The following KIF26B variants were observed in gnomAD, a reference collection of about 807,000 sequenced individuals.
KIF26B encodes the protein kinesin family member 26B.
Under a neutral mutation model 151.2 loss-of-function variants are expected in KIF26B, and 63 were observed. The observed-to-expected ratio is 0.42, with a 90% CI of 0.34 to 0.51. The LOEUF is 0.51. Among genes scored for constraint, KIF26B ranks in the 20% least tolerant of loss-of-function variants. The pLI is 0.07. For missense variants in KIF26B, 2,813 were observed against 2,913.6 expected, an observed-to-expected ratio of 0.97 and a Z score of 0.79; for synonymous variants, 1,357 against 1,262.1, an observed-to-expected ratio of 1.08 and a Z score of -1.59.
At chr1:245,561,588 A>C (rs756860145) in intron 5 of KIF26B, among the ~76,000 whole-genome samples, 1 of 152,226 alleles carries the variant, frequency 6.6e-6, no homozygotes, top group Non-Finnish European at 1.5e-5. Context: ...TAATACATTC[A>C]CATACATCAA....
At chr1:245,268,359 C>A (rs374994461) in intron 2 of KIF26B, among the ~76,000 whole-genome samples, 2 of 151,582 alleles carry the variant, frequency 1.3e-5, no homozygotes, top group East Asian at 1.9e-4. Context: ...GTAGTCCCAG[C>A]TACTCAGGAG....
At position 245,698,037 on chromosome 1, in the gene KIF26B, G is replaced by A; in HGVS notation, c.5825-69G>A. On this transcript the variant is annotated intron_variant, in intron 12 of 14. Transcript: ENST00000407071. This position sits in a 1 kb window ranked among gnomAD's most constrained non-coding sequence, Gnocchi z 4.0. ...AGCCTGGGCAACAGAGCAAGACCCT[G>A]TCTCAAAAAAACAACAAAAAAATTG... 1.4e-6 allele frequency: 2 copies of A among 1,437,486 alleles called. No homozygotes were observed. Among genetic ancestry groups the A allele is most frequent in the South Asian group, 2.6e-5 (2 of 76,438 alleles). 89.0% of individuals were successfully genotyped at this position (1,437,486 alleles called of 1,614,324 possible).
chr1:245,159,058 C>T (rs1360399166), intron 2 of KIF26B, among the ~76,000 whole-genome samples: 1 of 152,080 alleles, frequency 6.6e-6, no homozygotes, highest in African/African-American at 2.4e-5. Context: ...CCACTGTAGC[C>T]CTCAGGCACA....
Position 245,702,618 on chromosome 1 carries a change from C to A in KIF26B, c.*12C>A. 2 of 1,611,768 alleles carry A rather than the reference C, an allele frequency of 1.2e-6. No individual in the cohort carries two copies. Among genetic ancestry groups the A allele is most frequent in the Non-Finnish European group, 1.7e-6 (2 of 1,178,508 alleles). ...CCAGGCGCCGGTAGATGAGCCAGAC[C>A]CTTGTCCTAGTGGTCCCCCGCTCCC... On this transcript the variant is annotated 3_prime_UTR_variant, in exon 15 of 15. Coordinates refer to ENST00000407071, the MANE Select transcript of KIF26B (RefSeq NM_018012.4). The surrounding 1 kb of genome is among the most constrained non-coding windows in gnomAD (Gnocchi z 4.1).
At chr1:245,547,039 CT>C (rs1661758336) in intron 5 of KIF26B, among the ~76,000 whole-genome samples, 1 of 152,260 alleles carries the variant, frequency 6.6e-6, no homozygotes, top group South Asian at 2.1e-4. Context: ...TCGCCAGCCT[CT>C]GGACAGCACA....
intron 2 of KIF26B, among the ~76,000 whole-genome samples, chr1:245,336,147 C>A (rs371016502): frequency 6.9e-6 from 1 of 144,462 alleles, no homozygotes; most frequent in Non-Finnish European, 1.5e-5. Flanking sequence ...GGGAGAGTCC[C>A]ATGCAGGGAA....
chr1:245,682,251 AAAAG>A (rs1197878110), intron 10 of KIF26B, among the ~76,000 whole-genome samples: 2 of 152,268 alleles, frequency 1.3e-5, no homozygotes, highest in African/African-American at 4.8e-5. Flanking sequence ...TCTTAGGAAA[AAAAG>A]AAAGAAAAAA....
chr1:245,458,647 T>C (rs1659588643), intron 4 of KIF26B, among the ~76,000 whole-genome samples: 1 of 152,206 alleles, frequency 6.6e-6, no homozygotes, highest in African/African-American at 2.4e-5. Flanking sequence ...TAGTAATGGA[T>C]GTAATCTTGT....
intron 10 of KIF26B, among the ~76,000 whole-genome samples, chr1:245,668,287 C>T (rs2044239974): frequency 6.6e-6 from 1 of 152,200 alleles, no homozygotes; most frequent in Non-Finnish European, 1.5e-5. Context: ...AGCCTGAACA[C>T]AAACTACATT....
rs372270444 is a variant in KIF26B, at chr1:245,485,284, A to AG, written c.1167-55482dup. Among the ~76,000 whole-genome samples, 1,000 of 152,216 alleles carry AG rather than the reference A, an allele frequency of 6.6e-3. 5 individuals are homozygous for AG. The highest frequency in any genetic ancestry group is 0.012 in the Non-Finnish European group (793 of 68,016). ...ATATGAAAAAGTTGTGGAACTTGAT[A>AG]GTGGTGATGGTTGCAAGACATTGTG... On this transcript the variant is annotated intron_variant, in intron 4 of 14. Coordinates refer to ENST00000407071, the MANE Select transcript of KIF26B (RefSeq NM_018012.4).
intron 12 of KIF26B, among the ~76,000 whole-genome samples, chr1:245,691,922 A>AAGTT (rs1462686667): frequency 6.6e-6 from 1 of 152,162 alleles, no homozygotes; most frequent in Admixed American, 6.5e-5. Flanking sequence ...GCAGTGAATT[A>AAGTT]AGTTAGAAAG....
intron 2 of KIF26B, among the ~76,000 whole-genome samples, chr1:245,174,774 T>C (rs1668775245): frequency 6.6e-6 from 1 of 152,234 alleles, no homozygotes; most frequent in Admixed American, 6.5e-5. Context: ...AGCTGACGTC[T>C]TCTGCCTATT....
chr1:245,459,511 C>T (rs1017717489), intron 4 of KIF26B, among the ~76,000 whole-genome samples: 3 of 152,164 alleles, frequency 2.0e-5, no homozygotes, highest in African/African-American at 7.2e-5. Context: ...AAGAAACAGT[C>T]AACACAGTCA....
rs10650644 is a variant in KIF26B at position 245,520,114 on chromosome 1, TGAGAGAGAGA to T, written c.1167-20629_1167-20620del. Among the ~76,000 whole-genome samples, 586 of 132,520 alleles carry T rather than the reference TGAGAGAGAGA, an allele frequency of 4.4e-3. 1 individual carries two copies. Among genetic ancestry groups the T allele is most frequent in the Middle Eastern group, 0.012 (3 of 246 alleles). The allele number at this position is 132,520 out of a possible 152,430, so 86.9% of individuals were successfully genotyped here. On this transcript the variant is annotated intron_variant, in intron 4 of 14. Coordinates refer to ENST00000407071, the MANE Select transcript of KIF26B (RefSeq NM_018012.4). Reference sequence around the variant, plus strand: ...AACTAAAATTAAATACTCAACTAACTGAGAGAGAGAGAGAGAGAGAGAGAGAGAGAGAGCC... The same window carrying T: ...AACTAAAATTAAATACTCAACTAACTGAGAGAGAGAGAGAGAGAGAGAGCC...
intron 9 of KIF26B, among the ~76,000 whole-genome samples, chr1:245,621,270 T>C (rs1188767593): frequency 6.6e-6 from 1 of 152,230 alleles, no homozygotes; most frequent in Non-Finnish European, 1.5e-5. Flanking sequence ...GATTTTCATC[T>C]TAGATTTAGC....
At chr1:245,619,839 G>T (rs1023702445) in intron 9 of KIF26B, among the ~76,000 whole-genome samples, 13 of 150,976 alleles carry the variant, frequency 8.6e-5, no homozygotes, top group Admixed American at 7.3e-4. Context: ...CTTGAACCTG[G>T]GAGGCGGAGC....
At chr1:245,469,198 G>T (rs1413367354) in intron 4 of KIF26B, among the ~76,000 whole-genome samples, 1 of 152,138 alleles carries the variant, frequency 6.6e-6, no homozygotes, top group Admixed American at 6.5e-5. Context: ...TCTTCCTACT[G>T]CACTCCTGCA....
chr1:245,530,196 G>A (rs943913594), intron 4 of KIF26B, among the ~76,000 whole-genome samples: 1 of 152,186 alleles, frequency 6.6e-6, no homozygotes, highest in Non-Finnish European at 1.5e-5. Flanking sequence ...TGCTGGTGAG[G>A]ATGTGGAGAA....
intron 2 of KIF26B, chr1:245,353,849 A>G (rs112566218): frequency 0.034 from 5,151 of 152,758 alleles, 130 homozygotes; most frequent in Middle Eastern, 0.091. Context: ...GCCTAGGATT[A>G]ATTCATCAGT....
Sources: allele counts gnomAD v4.1 joint callset (sites outside exome capture counted in the v4.1 genomes callset), GRCh38; gene constraint gnomAD v4.1.1; non-coding constraint Gnocchi (gnomAD v3.1); transcripts MANE v1.5; gene names NCBI Gene and HGNC (gene_info 2026-07-23, HGNC 2026-07-21).